The following LSAMP variants were observed in gnomAD, a reference collection of about 807,000 sequenced individuals.
The protein encoded by LSAMP is limbic system associated membrane protein.
LSAMP carries 7 observed loss-of-function variants against 38.6 expected under a neutral mutation model. That is an observed-to-expected ratio of 0.18 (90% CI 0.10 to 0.34). The LOEUF is 0.34. Ranked by LOEUF, LSAMP falls within the 10% of genes least tolerant of loss-of-function variation. LSAMP has a pLI of 1.00. For missense variants in LSAMP, 313 were observed against 420.0 expected, an observed-to-expected ratio of 0.75 and a Z score of 2.23; for synonymous variants, 154 against 166.8, an observed-to-expected ratio of 0.92 and a Z score of 0.59.
rs563738251 is a variant in LSAMP, at chr3:116,232,849, C to T, written c.156-146293G>A. ...GTTTTGATGGATGTCAGATGGGGTT[C>T]TGAGCAGCTGATGAACTACTCAAAC... On this transcript the variant is annotated intron_variant, in intron 1 of 6. Transcript: ENST00000490035. Among the ~76,000 whole-genome samples, 18 of 152,010 alleles carry T rather than the reference C, an allele frequency of 1.2e-4. No homozygotes were observed. In the South Asian group the frequency reaches 3.7e-3, roughly 32 times the overall value.
intron 1 of LSAMP, among the ~76,000 whole-genome samples, chr3:116,381,451 A>T (rs2107801867): frequency 6.6e-6 from 1 of 152,254 alleles, no homozygotes; most frequent in Admixed American, 6.5e-5. Context: ...GTAAAACACC[A>T]GTATTATAAA....
At chr3:115,919,292 G>A (rs1207870601) in intron 3 of LSAMP, among the ~76,000 whole-genome samples, 3 of 152,132 alleles carry the variant, frequency 2.0e-5, no homozygotes, top group Non-Finnish European at 2.9e-5. Flanking sequence ...TGCAGGTGAC[G>A]TTTCTTGTGC....
rs561553095 is a variant in LSAMP, at chr3:116,185,349, A to G, written c.156-98793T>C. Among the ~76,000 whole-genome samples the G allele has an allele frequency of 2.6e-5, 4 of 152,118 alleles. 1 individual carries two copies. In the East Asian group the frequency reaches 7.7e-4, roughly 29 times the overall value. On this transcript the variant is annotated intron_variant, in intron 1 of 6. Coordinates refer to ENST00000490035, the MANE Select transcript of LSAMP (RefSeq NM_002338.5). The stretch of plus-strand genomic sequence containing the variant: ...ATATGTGGCCAGCTCTTAACCCTGA[A>G]TATTGATACTTGCTCTTCTTTTACA...
At chr3:115,862,584 A>AGAAAAGAATG (rs1372203766) in intron 3 of LSAMP, among the ~76,000 whole-genome samples, 9 of 152,194 alleles carry the variant, frequency 5.9e-5, no homozygotes, top group African/African-American at 1.7e-4. Flanking sequence ...AGTAATGAAG[A>AGAAAAGAATG]GAAAAGAATG....
At chr3:116,068,700 T>C (rs981644528) in intron 2 of LSAMP, among the ~76,000 whole-genome samples, 4 of 152,236 alleles carry the variant, frequency 2.6e-5, no homozygotes, top group Non-Finnish European at 4.4e-5. Flanking sequence ...TTTCATCAAC[T>C]ATCTCAACAT....
chr3:116,100,450 A>G (rs1376168903), intron 1 of LSAMP, among the ~76,000 whole-genome samples: 3 of 151,988 alleles, frequency 2.0e-5, no homozygotes, highest in Admixed American at 6.6e-5. Flanking sequence ...CATTTTTTCT[A>G]ATTTTTAAAA....
intron 1 of LSAMP, among the ~76,000 whole-genome samples, chr3:116,255,623 T>C (rs1353148823): frequency 6.6e-6 from 1 of 152,194 alleles, no homozygotes; most frequent in Non-Finnish European, 1.5e-5. Flanking sequence ...AATACTTTGG[T>C]AGCACATTAT....
At chr3:115,889,410 T>C (rs1277407546) in intron 3 of LSAMP, among the ~76,000 whole-genome samples, 2 of 151,900 alleles carry the variant, frequency 1.3e-5, no homozygotes, top group Non-Finnish European at 2.9e-5. Context: ...ACTGGGATTC[T>C]GGTGCTCCAA....
chr3:116,026,087 C>A (rs1377139723), intron 2 of LSAMP, among the ~76,000 whole-genome samples: 1 of 152,118 alleles, frequency 6.6e-6, no homozygotes, highest in Admixed American at 6.6e-5. Context: ...ATTGGGCCTA[C>A]ATATTTTTTT....
intron 3 of LSAMP, among the ~76,000 whole-genome samples, chr3:115,889,735 C>T (rs1936548268): frequency 1.3e-5 from 2 of 151,890 alleles, no homozygotes; most frequent in Admixed American, 6.6e-5. Context: ...TCTGAATTCT[C>T]TATAAACAAT....
rs548318868 is a variant in LSAMP at position 116,445,073 on chromosome 3, G to A, written c.-42C>T. ...TGCGGGTCCGCGGGGTGCTCTGGAGGGGTGCGCGCTGCTCGCGAGGAGAGG... is the reference window on the plus strand; with the variant it reads ...TGCGGGTCCGCGGGGTGCTCTGGAGAGGTGCGCGCTGCTCGCGAGGAGAGG... On this transcript the variant is annotated 5_prime_UTR_variant, in exon 1 of 7. Coordinates refer to ENST00000490035, the MANE Select transcript of LSAMP (RefSeq NM_002338.5). 1 of 1,576,272 alleles carries A rather than the reference G, an allele frequency of 6.3e-7. No homozygotes were observed. The highest frequency in any genetic ancestry group is 1.2e-5 in the South Asian group (1 of 85,330).
At chr3:115,993,518 A>T (rs1472504507) in intron 3 of LSAMP, among the ~76,000 whole-genome samples, 1 of 152,018 alleles carries the variant, frequency 6.6e-6, no homozygotes, top group African/African-American at 2.4e-5. Flanking sequence ...TCCACTTTTG[A>T]AATTTGTTCA....
intron 1 of LSAMP, among the ~76,000 whole-genome samples, chr3:116,148,873 G>T (rs1295729784): frequency 1.3e-5 from 2 of 151,924 alleles, no homozygotes; most frequent in Non-Finnish European, 2.9e-5. Context: ...ACTGATTTTG[G>T]ACAACAGCAC....
intron 3 of LSAMP, among the ~76,000 whole-genome samples, chr3:115,912,347 A>T (rs1937153965): frequency 6.6e-6 from 1 of 152,034 alleles, no homozygotes; most frequent in African/African-American, 2.4e-5. Flanking sequence ...TCAATGTTTA[A>T]TTTTTTCTTT....
intron 3 of LSAMP, among the ~76,000 whole-genome samples, chr3:115,983,796 C>T (rs1939432635): frequency 6.6e-6 from 1 of 152,136 alleles, no homozygotes; most frequent in African/African-American, 2.4e-5. Context: ...ACACTGGGGC[C>T]TGCAGAAAGG....
intron 1 of LSAMP, among the ~76,000 whole-genome samples, chr3:116,188,210 T>G (rs1293341255): frequency 6.6e-6 from 1 of 152,148 alleles, no homozygotes; most frequent in African/African-American, 2.4e-5. Flanking sequence ...CCTCACTTAG[T>G]GATCGTGCTA....
intron 1 of LSAMP, among the ~76,000 whole-genome samples, chr3:116,316,892 T>C (rs2047636567): frequency 6.6e-6 from 1 of 151,912 alleles, no homozygotes; most frequent in Admixed American, 6.6e-5. Flanking sequence ...GGATTAAACC[T>C]GAAAAGAGGT....
At chr3:116,295,477 G>A (rs1278116410) in intron 1 of LSAMP, among the ~76,000 whole-genome samples, 1 of 152,172 alleles carries the variant, frequency 6.6e-6, no homozygotes. Flanking sequence ...TTCTAGGTAA[G>A]TGTACACATT....
At chr3:116,144,561 A>AAT (rs1559759147) in intron 1 of LSAMP, among the ~76,000 whole-genome samples, 1 of 27,326 alleles carries the variant, frequency 3.7e-5, no homozygotes, top group East Asian at 1.6e-3. Flanking sequence ...TCATCACCTT[A>AAT]CTTTTTTTTT....
Sources: allele counts gnomAD v4.1 joint callset (sites outside exome capture counted in the v4.1 genomes callset), GRCh38; gene constraint gnomAD v4.1.1; transcripts MANE v1.5; gene names NCBI Gene and HGNC (gene_info 2026-07-23, HGNC 2026-07-21).